The following ZSWIM6 variants were observed in gnomAD, a reference collection of about 807,000 sequenced individuals.
The protein encoded by ZSWIM6 is zinc finger SWIM domain-containing protein 6.
In ZSWIM6, 9 loss-of-function variants were observed where a neutral mutation model predicts 113.2. The observed-to-expected ratio is 0.08, with a 90% CI of 0.05 to 0.14. The LOEUF (loss-of-function observed/expected upper bound fraction) is 0.14. ZSWIM6 is among the 10% of genes least tolerant of loss of function. The pLI is 1.00. For synonymous variants in ZSWIM6, 611 were observed against 606.5 expected (o/e 1.01, Z -0.11); for missense variants, 1,162 against 1,552.2 (o/e 0.75, Z 4.22).
chr5:61,485,219 A>G (rs1460236403), intron 2 of ZSWIM6, among the ~76,000 whole-genome samples: 1 of 152,102 alleles, frequency 6.6e-6, no homozygotes, highest in Non-Finnish European at 1.5e-5. Flanking sequence ...CCTACTTGGA[A>G]TGACTTTCTC....
Position 61,494,359 on chromosome 5 carries a change from C to G in ZSWIM6, c.1282C>G (p.Gln428Glu), listed in dbSNP as rs866469065. ...MADPRLSLWR[Q>E]QGTAMTDKYR... ...TGACCCTCGCCTGTCACTTTGGCGG[C>G]AACAAGGCACTGCAATGACTGACAA... The change falls in exon 4 of 14, where the codon CAA becomes GAA. Residue 428 changes from glutamine (Q) to glutamate (E), a missense_variant. This residue lies in a region of ZSWIM6 where 620 missense variants were observed against 804.6 expected (regional missense o/e 0.77). Transcript: ENST00000252744. 1.9e-6 allele frequency: 3 copies of G among 1,551,002 alleles called. No individual in the cohort carries two copies. In the African/African-American group the frequency reaches 4.1e-5, roughly 21 times the overall value.
chr5:61,469,907 G>C (rs1367470356), intron 1 of ZSWIM6, among the ~76,000 whole-genome samples: 1 of 151,986 alleles, frequency 6.6e-6, no homozygotes, highest in Non-Finnish European at 1.5e-5. Context: ...CGGGGTTTCA[G>C]CGTGTTAGCC....
At chr5:61,469,972 G>T (rs1251060829) in intron 1 of ZSWIM6, among the ~76,000 whole-genome samples, 2 of 152,202 alleles carry the variant, frequency 1.3e-5, no homozygotes, top group Non-Finnish European at 2.9e-5. Flanking sequence ...CTCCCAAAGT[G>T]CTGGGATTAC....
chr5:61,398,217 A>G (rs545003562), intron 1 of ZSWIM6, among the ~76,000 whole-genome samples: 12 of 152,242 alleles, frequency 7.9e-5, no homozygotes, highest in South Asian at 2.1e-4. Context: ...GTGGCAGGCA[A>G]TTGAGCATTA....
chr5:61,384,826 G>A (rs2112085020), intron 1 of ZSWIM6, among the ~76,000 whole-genome samples: 1 of 152,212 alleles, frequency 6.6e-6, no homozygotes, highest in African/African-American at 2.4e-5. Context: ...GGGAGGCCGA[G>A]GCAGGCGGAT....
chr5:61,436,292 C>T (rs1393756400), intron 1 of ZSWIM6, among the ~76,000 whole-genome samples: 1 of 151,648 alleles, frequency 6.6e-6, no homozygotes, highest in African/African-American at 2.4e-5. Context: ...TTTAACTGAA[C>T]AATACAGTAG....
At chr5:61,504,119 T>C (rs1425515512) in intron 4 of ZSWIM6, among the ~76,000 whole-genome samples, 5 of 152,216 alleles carry the variant, frequency 3.3e-5, no homozygotes, top group African/African-American at 9.6e-5. Flanking sequence ...AAGCAGTTAT[T>C]TTTGATGTAC....
Position 61,514,273 on chromosome 5 carries a change from T to G in ZSWIM6, c.1334-6990T>G, listed in dbSNP as rs533433805. Among the ~76,000 whole-genome samples, 9 of 137,466 alleles carry G rather than the reference T, an allele frequency of 6.5e-5. No individual in the cohort carries two copies. The South Asian group carries it at 1.1e-3, about 17-fold the overall frequency. 90.2% of individuals were successfully genotyped at this position (137,466 alleles called of 152,430 possible). A position where few individuals can be genotyped will look rare whatever the true frequency, so the allele number is the denominator to read the frequency against. On this transcript the variant is annotated intron_variant, in intron 4 of 13. Transcript: ENST00000252744. Reference sequence around the variant, plus strand: ...TACAGTTTTTTGTTTGATTTAAGTGTTTTTTTTTTTTCATTTGAACTTATC... The same window carrying G: ...TACAGTTTTTTGTTTGATTTAAGTGGTTTTTTTTTTTCATTTGAACTTATC...
intron 2 of ZSWIM6, among the ~76,000 whole-genome samples, chr5:61,481,088 G>A (rs1047147196): frequency 1.3e-5 from 2 of 152,136 alleles, no homozygotes; most frequent in Admixed American, 1.3e-4. Flanking sequence ...TGTTACTGTG[G>A]CAGTTGGGTC....
At chr5:61,451,567 A>G (rs1343363616) in intron 1 of ZSWIM6, among the ~76,000 whole-genome samples, 4 of 152,146 alleles carry the variant, frequency 2.6e-5, no homozygotes, top group African/African-American at 9.6e-5. Flanking sequence ...TATCTTTCCC[A>G]GCATAGACAA....
intron 1 of ZSWIM6, among the ~76,000 whole-genome samples, chr5:61,448,090 C>G (rs1345735324): frequency 6.6e-6 from 1 of 152,094 alleles, no homozygotes; most frequent in African/African-American, 2.4e-5. Flanking sequence ...GAAAGGAACT[C>G]AGATAAGACA....
chr5:61,351,872 G>C (rs1439330682), intron 1 of ZSWIM6, among the ~76,000 whole-genome samples: 2 of 152,182 alleles, frequency 1.3e-5, no homozygotes, highest in Admixed American at 1.3e-4. Flanking sequence ...GCATGTGTAA[G>C]AGTGGACTTT....
intron 1 of ZSWIM6, among the ~76,000 whole-genome samples, chr5:61,354,507 T>A (rs1389890037): frequency 6.6e-6 from 1 of 152,178 alleles, no homozygotes; most frequent in African/African-American, 2.4e-5. Context: ...CGAGATGTAT[T>A]TAAGCCCCAA....
At chr5:61,486,348 T>C (rs977128660) in intron 2 of ZSWIM6, among the ~76,000 whole-genome samples, 3 of 152,170 alleles carry the variant, frequency 2.0e-5, no homozygotes, top group Non-Finnish European at 4.4e-5. Context: ...CATTCACTGA[T>C]AGACACTTAG....
intron 1 of ZSWIM6, among the ~76,000 whole-genome samples, chr5:61,430,638 C>A (rs1251060629): frequency 7.6e-4 from 115 of 152,156 alleles, no homozygotes; most frequent in African/African-American, 2.5e-3. Flanking sequence ...ACTGCAGGAA[C>A]TTGAGTGTAT....
intron 4 of ZSWIM6, among the ~76,000 whole-genome samples, chr5:61,500,885 G>A (rs72761457): frequency 5.9e-5 from 9 of 152,210 alleles, no homozygotes; most frequent in African/African-American, 1.7e-4. Context: ...TGAACTAGGC[G>A]CTGATAATGA....
chr5:61,371,588 T>C (rs1480541091), intron 1 of ZSWIM6, among the ~76,000 whole-genome samples: 1 of 152,032 alleles, frequency 6.6e-6, no homozygotes, highest in African/African-American at 2.4e-5. Flanking sequence ...TATTTATCTT[T>C]TGATTTTTTT....
chr5:61,386,872 A>C (rs940386858), intron 1 of ZSWIM6, among the ~76,000 whole-genome samples: 36 of 152,198 alleles, frequency 2.4e-4, no homozygotes, highest in Non-Finnish European at 1.2e-4. Context: ...AGAGAACATT[A>C]CTAGCTCTCA....
intron 1 of ZSWIM6, among the ~76,000 whole-genome samples, chr5:61,348,620 G>A (rs565025933): frequency 5.9e-5 from 9 of 152,084 alleles, no homozygotes; most frequent in African/African-American, 2.2e-4. Context: ...ATGAGTTGCT[G>A]TTTTCCTCTT....
Sources: allele counts gnomAD v4.1 joint callset (sites outside exome capture counted in the v4.1 genomes callset), GRCh38; gene constraint gnomAD v4.1.1; regional missense constraint gnomAD v4.1.1; transcripts MANE v1.5; gene names NCBI Gene and HGNC (gene_info 2026-07-23, HGNC 2026-07-21).